The following GALNTL6 variants were observed in gnomAD, a reference collection of about 807,000 sequenced individuals.
GALNTL6 encodes the protein polypeptide N-acetylgalactosaminyltransferase like 6.
GALNTL6 carries 46 observed loss-of-function variants against 73.7 expected under a neutral mutation model. The observed-to-expected ratio is 0.62, with a 90% CI of 0.49 to 0.80. The LOEUF is 0.80. GALNTL6 is among the 30% of genes least tolerant of loss of function. The pLI, the probability that GALNTL6 is intolerant of heterozygous loss-of-function variation, is 0.00. For missense variants in GALNTL6, 604 were observed against 755.0 expected, an observed-to-expected ratio of 0.80 and a Z score of 2.34; for synonymous variants, 259 against 263.7, an observed-to-expected ratio of 0.98 and a Z score of 0.17.
chr4:172,427,885 G>A (rs1731289574), intron 5 of GALNTL6, among the ~76,000 whole-genome samples: 1 of 152,098 alleles, frequency 6.6e-6, no homozygotes, highest in Non-Finnish European at 1.5e-5. Flanking sequence ...CTGGTTTATT[G>A]CACATATAAG....
chr4:172,301,318 C>T (rs1409563584), intron 3 of GALNTL6, among the ~76,000 whole-genome samples: 1 of 152,120 alleles, frequency 6.6e-6, no homozygotes, highest in Non-Finnish European at 1.5e-5. Flanking sequence ...TTCGAACTTC[C>T]ACCTTTAGCT....
chr4:172,844,942 G>A (rs899319866), intron 7 of GALNTL6, among the ~76,000 whole-genome samples: 4 of 152,106 alleles, frequency 2.6e-5, no homozygotes, highest in Admixed American at 1.3e-4. Flanking sequence ...CTGGCTGGGC[G>A]CGGTGGCTCA....
intron 5 of GALNTL6, among the ~76,000 whole-genome samples, chr4:172,803,383 G>A (rs535267547): frequency 8.5e-5 from 13 of 152,208 alleles, no homozygotes; most frequent in Non-Finnish European, 1.3e-4. Flanking sequence ...TAGATTTTGC[G>A]CTCCTTATGA....
chr4:172,336,686 G>A lies in GALNTL6; in HGVS notation c.387-11837G>A, dbSNP rs200484922. ...ATGCATGTGGCCAGTCTTGGAATAT[G>A]TTCTGCATGCAGACGAGAAAAATGT... On this transcript the variant is annotated intron_variant, in intron 4 of 12. Coordinates refer to ENST00000506823, the MANE Select transcript of GALNTL6 (RefSeq NM_001034845.3). Among the ~76,000 whole-genome samples, 131 of 152,292 alleles carry A rather than the reference G, an allele frequency of 8.6e-4. 2 individuals carry two copies. In the South Asian group the frequency reaches 0.016, roughly 18 times the overall value.
chr4:172,553,757 T>C (rs1008924532), intron 5 of GALNTL6, among the ~76,000 whole-genome samples: 11 of 152,292 alleles, frequency 7.2e-5, no homozygotes, highest in African/African-American at 2.4e-4. Context: ...CTTATTATGA[T>C]ATTTTGTTAG....
intron 2 of GALNTL6, among the ~76,000 whole-genome samples, chr4:172,152,566 G>A (rs1290091801): frequency 2.0e-5 from 3 of 152,192 alleles, no homozygotes; most frequent in Non-Finnish European, 2.9e-5. Context: ...ATGTAAGAAT[G>A]AGTAACGAAG....
intron 2 of GALNTL6, among the ~76,000 whole-genome samples, chr4:172,069,535 A>ATGTG (rs58953734): frequency 0.59 from 32,915 of 55,870 alleles, 14,405 homozygotes; most frequent in South Asian, 0.76. Context: ...TAACACATAT[A>ATGTG]TTATATATAA....
At chr4:172,432,068 T>C (rs1281567416) in intron 5 of GALNTL6, among the ~76,000 whole-genome samples, 1 of 152,054 alleles carries the variant, frequency 6.6e-6, no homozygotes, top group East Asian at 1.9e-4. Flanking sequence ...AATAGCGCTT[T>C]CTAGCTCCAC....
At chr4:172,886,508 A>C (rs915082359) in intron 8 of GALNTL6, among the ~76,000 whole-genome samples, 1 of 152,122 alleles carries the variant, frequency 6.6e-6, no homozygotes, top group Admixed American at 6.5e-5. Flanking sequence ...GCTCACGACT[A>C]TAATCCCAGC....
At chr4:172,800,750 T>A (rs1740594629) in intron 5 of GALNTL6, among the ~76,000 whole-genome samples, 1 of 152,172 alleles carries the variant, frequency 6.6e-6, no homozygotes, top group African/African-American at 2.4e-5. Flanking sequence ...AGCAACAGTA[T>A]TTCATAGACA....
intron 10 of GALNTL6, among the ~76,000 whole-genome samples, chr4:172,960,483 G>A (rs1749988961): frequency 6.6e-6 from 1 of 152,146 alleles, no homozygotes; most frequent in Non-Finnish European, 1.5e-5. Context: ...GGGAGGAGGG[G>A]AGAGGTCAGA....
At chr4:172,374,444 A>G (rs1201151927) in intron 5 of GALNTL6, among the ~76,000 whole-genome samples, 1 of 152,130 alleles carries the variant, frequency 6.6e-6, no homozygotes, top group Non-Finnish European at 1.5e-5. Context: ...TTTTAGAATC[A>G]ATTGACCCTT....
At chr4:172,304,973 A>G (rs1247463556) in intron 3 of GALNTL6, among the ~76,000 whole-genome samples, 1 of 152,156 alleles carries the variant, frequency 6.6e-6, no homozygotes, top group Non-Finnish European at 1.5e-5. Context: ...TCTAGGTCTT[A>G]TTGTTTAGTT....
At chr4:172,399,912 T>C (rs1388830668) in intron 5 of GALNTL6, among the ~76,000 whole-genome samples, 1 of 152,164 alleles carries the variant, frequency 6.6e-6, no homozygotes, top group African/African-American at 2.4e-5. Context: ...TTTCTTTTTA[T>C]CTTCATATAG....
At chr4:172,191,805 A>T (rs1261448210) in intron 2 of GALNTL6, among the ~76,000 whole-genome samples, 1 of 152,184 alleles carries the variant, frequency 6.6e-6, no homozygotes, top group African/African-American at 2.4e-5. Context: ...GATTTGCCTC[A>T]GCATGGAATT....
chr4:172,794,507 A>G lies in GALNTL6; in HGVS notation c.554-14854A>G, dbSNP rs144179240. Reference sequence around the variant, plus strand: ...AGAGGTCACAAAAAGCAGAGATGAAAAAGACCTATTAGATCATTTTCTCCA... The same window carrying G: ...AGAGGTCACAAAAAGCAGAGATGAAGAAGACCTATTAGATCATTTTCTCCA... On this transcript the variant is annotated intron_variant, in intron 5 of 12. Coordinates refer to ENST00000506823, the MANE Select transcript of GALNTL6 (RefSeq NM_001034845.3). Among the ~76,000 whole-genome samples, 391 of 152,300 alleles carry G rather than the reference A, an allele frequency of 2.6e-3. 2 individuals are homozygous for G. The highest frequency in any genetic ancestry group is 4.2e-3 in the Non-Finnish European group (287 of 68,018).
At chr4:172,779,632 GCAA>G (rs1739269632) in intron 5 of GALNTL6, among the ~76,000 whole-genome samples, 1 of 152,188 alleles carries the variant, frequency 6.6e-6, no homozygotes, top group African/African-American at 2.4e-5. Flanking sequence ...CTGAAGAAAA[GCAA>G]GTGTCTTTTT....
At chr4:172,553,081 A>G (rs2110905756) in intron 5 of GALNTL6, among the ~76,000 whole-genome samples, 1 of 152,234 alleles carries the variant, frequency 6.6e-6, no homozygotes, top group Admixed American at 6.6e-5. Flanking sequence ...TAGTCCTTCC[A>G]TATTGGTTAA....
At chr4:172,667,774 GA>G (rs2111196172) in intron 5 of GALNTL6, 1 of 152,272 alleles carries the variant, frequency 6.6e-6, no homozygotes, top group African/African-American at 2.4e-5. Flanking sequence ...AAATGATTAG[GA>G]AAAACTGCAA....
Sources: allele counts gnomAD v4.1 joint callset (sites outside exome capture counted in the v4.1 genomes callset), GRCh38; gene constraint gnomAD v4.1.1; transcripts MANE v1.5; gene names NCBI Gene and HGNC (gene_info 2026-07-23, HGNC 2026-07-21).